Variants in MYO5C observed in about 807,000 individuals in gnomAD.
MYO5C encodes myosin VC.
Under a neutral mutation model 235.7 loss-of-function variants are expected in MYO5C, and 194 were observed. That is an observed-to-expected ratio of 0.82 (90% CI 0.73 to 0.93). The LOEUF is 0.93. MYO5C is among the 40% of genes least tolerant of loss of function. MYO5C has a pLI of 0.00. For synonymous variants in MYO5C, 707 were observed against 754.8 expected (o/e 0.94, Z 1.04); for missense variants, 2,038 against 2,127.2 (o/e 0.96, Z 0.82).
Position 52,257,533 on chromosome 15 carries a change from C to T in MYO5C, c.1314-813G>A, listed in dbSNP as rs530454074. 1.5e-4 allele frequency among the ~76,000 whole-genome samples: 23 copies of T among 152,256 alleles called. No homozygotes were observed. In the South Asian group the frequency reaches 3.7e-3, roughly 25 times the overall value. Reference sequence around the variant, plus strand: ...TAATCCCACTCTGCAAAACGTGGGCCGAACAAAACAGAGGCACCAAATTTA... The same window carrying T: ...TAATCCCACTCTGCAAAACGTGGGCTGAACAAAACAGAGGCACCAAATTTA... On this transcript the variant is annotated intron_variant, in intron 10 of 40. Transcript: ENST00000261839.
rs749336126 is a variant in MYO5C at position 52,196,291 on chromosome 15, C to T, written c.4995+18G>A. On this transcript the variant is annotated intron_variant, in intron 39 of 40. Coordinates refer to ENST00000261839, the MANE Select transcript of MYO5C (RefSeq NM_018728.4). The stretch of plus-strand genomic sequence containing the variant: ...GTGTCAGGGAAGAGCCAGGGAGACA[C>T]TAAGCAAGCCTGGTCACCTGCACAG... The T allele has an allele frequency of 6.3e-6, 10 of 1,582,382 alleles. No homozygotes were observed. The Admixed American group carries it at 7.2e-5, about 11-fold the overall frequency.
intron 33 of MYO5C, 69 bp downstream of exon 33, chr15:52,214,534 A>G (rs2035512116): frequency 8.6e-7 from 1 of 1,165,652 alleles, no homozygotes; most frequent in South Asian, 1.5e-5. Context: ...TGGACCAGAA[A>G]GAAAATAAAC....
At chr15:52,195,962 C>CTTGTTTTTT (rs2035039205) in intron 39 of MYO5C, among the ~76,000 whole-genome samples, 1 of 80,994 alleles carries the variant, frequency 1.2e-5, no homozygotes, top group Non-Finnish European at 2.0e-5. Context: ...TCACACCCAG[C>CTTGTTTTTT]TTTTTTTTTT....
At position 52,278,986 on chromosome 15, in the gene MYO5C, C is replaced by T; in HGVS notation, c.336G>A (p.Lys112=). 1 of 1,613,696 alleles carries T rather than the reference C, an allele frequency of 6.2e-7. No individual in the cohort carries two copies. ...GIILVAMNPY[K]QLPIYGDAII... ...TGGCATCTCCGTATATTGGCAACTGCTTGTAAGGATTCATGGCCACCAAAA... is the reference window on the plus strand; with the variant it reads ...TGGCATCTCCGTATATTGGCAACTGTTTGTAAGGATTCATGGCCACCAAAA... The change falls in exon 4 of 41, where the codon AAG becomes AAA. Residue 112 remains lysine (K), a synonymous_variant. Transcript: ENST00000261839.
Position 52,295,616 on chromosome 15 carries a change from G to A in MYO5C, c.21C>T (p.Tyr7=). 1 of 1,490,710 alleles carries A rather than the reference G, an allele frequency of 6.7e-7. No homozygotes were observed. The highest frequency in any genetic ancestry group is 2.3e-5 in the Admixed American group (1 of 42,804). The allele number at this position is 1,490,710 out of a possible 1,614,324, so 92.3% of individuals were successfully genotyped here. The part of the protein sequence containing the change: MAVAEL[Y]TQYNRVWIPD... ...GCCCAGCGGACCCTCCTACCTGCGT[G>A]TACAGCTCGGCCACCGCCATGGGCA... is the stretch of plus-strand genomic sequence containing the variant. Residue 7 remains tyrosine, a synonymous_variant, in exon 1 of 41, where the codon TAC becomes TAT. Transcript: ENST00000261839.
intron 1 of MYO5C, among the ~76,000 whole-genome samples, chr15:52,286,114 C>T (rs1226644674): frequency 3.3e-5 from 5 of 150,750 alleles, no homozygotes; most frequent in South Asian, 2.1e-4. Flanking sequence ...CCCCTCCGCC[C>T]GGCAGCCGCA....
chr15:52,213,776 A>G (rs143052599), intron 33 of MYO5C, among the ~76,000 whole-genome samples: 1 of 152,340 alleles, frequency 6.6e-6, no homozygotes, highest in African/African-American at 2.4e-5. Flanking sequence ...CAGAAGTCTG[A>G]AAGGTGAGCC....
intron 39 of MYO5C, 125 bp from the exon 40 acceptor site, chr15:52,195,582 C>T (rs2141253031): frequency 1.8e-6 from 1 of 563,234 alleles, no homozygotes; most frequent in Non-Finnish European, 2.9e-6. Flanking sequence ...TAATTTGGTT[C>T]AGGAACTGTA....
intron 35 of MYO5C, 69 bp downstream of exon 35, chr15:52,211,661 G>T: frequency 6.6e-7 from 1 of 1,522,620 alleles, no homozygotes; most frequent in Non-Finnish European, 9.0e-7. Flanking sequence ...CTCAGGATGG[G>T]CAAAGACTGG....
chr15:52,236,353 C>T (rs188790298), intron 22 of MYO5C, among the ~76,000 whole-genome samples: 4 of 152,308 alleles, frequency 2.6e-5, no homozygotes, highest in East Asian at 1.9e-4. Flanking sequence ...GCCTCCAAGC[C>T]ACCAACCCTG....
At chr15:52,226,682 C>T (rs1729047824) in intron 25 of MYO5C, among the ~76,000 whole-genome samples, 1 of 152,164 alleles carries the variant, frequency 6.6e-6, no homozygotes, top group African/African-American at 2.4e-5. Context: ...CTGACTGGCA[C>T]GTTCAGGGTC....
chr15:52,267,286 G>C (rs1337024095), intron 8 of MYO5C, among the ~76,000 whole-genome samples: 1 of 152,250 alleles, frequency 6.6e-6, no homozygotes, highest in Non-Finnish European at 1.5e-5. Context: ...GGGAGTAGCA[G>C]TTACTATGCA....
At chr15:52,277,277 G>A in intron 4 of MYO5C, 1 of 518,192 alleles carries the variant, frequency 1.9e-6, no homozygotes, top group South Asian at 1.5e-5. Flanking sequence ...AGACCTCCAA[G>A]GAGAAACTGG....
intron 28 of MYO5C, among the ~76,000 whole-genome samples, chr15:52,224,320 T>C (rs548702304): frequency 6.6e-6 from 1 of 152,306 alleles, no homozygotes; most frequent in South Asian, 2.1e-4. Context: ...TGTATGATAC[T>C]ACAGTTGTGG....
chr15:52,273,744 AAGTAT>A, intron 5 of MYO5C, among the ~76,000 whole-genome samples: 1 of 152,274 alleles, frequency 6.6e-6, no homozygotes, highest in Non-Finnish European at 1.5e-5. Context: ...AATGACACTA[AAGTAT>A]ATTATACTAA....
chr15:52,291,920 T>C (rs1161038808), intron 1 of MYO5C, among the ~76,000 whole-genome samples: 1 of 151,736 alleles, frequency 6.6e-6, no homozygotes, highest in Non-Finnish European at 1.5e-5. Flanking sequence ...TTTGTATTTT[T>C]AGTAGAGACG....
intron 25 of MYO5C, among the ~76,000 whole-genome samples, chr15:52,227,184 A>G (rs912285816): frequency 1.4e-4 from 20 of 144,850 alleles, no homozygotes; most frequent in Middle Eastern, 3.4e-3. Context: ...ACAAAAACCC[A>G]GAGTAATTTT....
intron 3 of MYO5C, among the ~76,000 whole-genome samples, 185 bp downstream of exon 3, chr15:52,279,324 G>C (rs956161097): frequency 6.6e-6 from 1 of 152,138 alleles, no homozygotes; most frequent in Non-Finnish European, 1.5e-5. Flanking sequence ...TCAAACACGA[G>C]CTTTGTTACA....
intron 21 of MYO5C, among the ~76,000 whole-genome samples, chr15:52,238,862 C>T (rs975402403): frequency 2.0e-5 from 3 of 151,550 alleles, no homozygotes; most frequent in African/African-American, 2.4e-5. Flanking sequence ...AGGATGGTCT[C>T]GATCTCCTGA....
Sources: allele counts gnomAD v4.1 joint callset (sites outside exome capture counted in the v4.1 genomes callset), GRCh38; gene constraint gnomAD v4.1.1; transcripts MANE v1.5; gene names NCBI Gene and HGNC (gene_info 2026-07-23, HGNC 2026-07-21).